The following VTCN1 variants were observed in gnomAD, a reference collection of about 807,000 sequenced individuals.
VTCN1 encodes V-set domain-containing T-cell activation inhibitor 1.
VTCN1 carries 26 observed loss-of-function variants against 26.5 expected under a neutral mutation model. The observed-to-expected ratio is 0.98, with a 90% confidence interval of 0.72 to 1.36. The LOEUF is 1.36. Ranked by LOEUF, VTCN1 falls within the 40% of genes most tolerant of loss-of-function variation. VTCN1 has a pLI of 0.00. For missense variants in VTCN1, 298 were observed against 337.7 expected, an observed-to-expected ratio of 0.88 and a Z score of 0.92; for synonymous variants, 116 against 130.7, an observed-to-expected ratio of 0.89 and a Z score of 0.77.
chr1:117,181,603 C>T (rs1034739243), intron 1 of VTCN1, among the ~76,000 whole-genome samples: 4 of 152,192 alleles, frequency 2.6e-5, no homozygotes, highest in Admixed American at 6.5e-5. Flanking sequence ...CAGCCCAGAA[C>T]GTGCCCTCCC....
chr1:117,172,542 T>C, intron 1 of VTCN1: 1 of 501,854 alleles, frequency 2.0e-6, no homozygotes, highest in Non-Finnish European at 4.0e-6. Context: ...GGGTTTTCAT[T>C]TACTTTGGAT....
At position 117,144,407 on chromosome 1, in the gene VTCN1, C is replaced by T. The variant is rs1651407756; in HGVS notation, c.*864G>A. ...GGGCGAAATCACCCCAGCTGAGTCCCACTGCTCTAGATGCTATTGAAAACT... is the reference window on the plus strand; with the variant it reads ...GGGCGAAATCACCCCAGCTGAGTCCTACTGCTCTAGATGCTATTGAAAACT... On this transcript the variant is annotated 3_prime_UTR_variant, in exon 6 of 6. Coordinates refer to ENST00000369458, the MANE Select transcript of VTCN1 (RefSeq NM_024626.4). 1 of 152,204 alleles carries T rather than the reference C, an allele frequency of 6.6e-6. No homozygotes were observed. Among genetic ancestry groups the T allele is most frequent in the Non-Finnish European group, 1.5e-5 (1 of 68,078 alleles). The allele number at this position is 152,204 out of a possible 1,614,324, so 9.4% of individuals were successfully genotyped here. A position where few individuals can be genotyped will look rare whatever the true frequency, so the allele number is the denominator to read the frequency against.
chr1:117,156,971 T>C (rs1024273050), intron 2 of VTCN1, 50 bp from the exon 3 acceptor site: 12 of 1,612,516 alleles, frequency 7.4e-6, no homozygotes, highest in African/African-American at 1.3e-5. Flanking sequence ...TTGGAACTTC[T>C]ACAACCAAAC....
Position 117,175,279 on chromosome 1 carries a change from G to A in VTCN1, c.33-5108C>T, listed in dbSNP as rs907290171. ...ACAGAAACAATAACTAGTACCTCGG[G>A]AGATAACTTAGACAGACAAGGCAGG... On this transcript the variant is annotated intron_variant, in intron 1 of 5. Coordinates refer to ENST00000369458, the MANE Select transcript of VTCN1 (RefSeq NM_024626.4). This position sits in a 1 kb window ranked among gnomAD's most constrained non-coding sequence, Gnocchi z 4.2. 6.6e-6 allele frequency among the ~76,000 whole-genome samples: 1 copy of A among 152,202 alleles called. No individual in the cohort carries two copies. The highest frequency in any genetic ancestry group is 2.4e-5 in the African/African-American group (1 of 41,452).
At chr1:117,193,313 T>C (rs917267212) in intron 1 of VTCN1, among the ~76,000 whole-genome samples, 1 of 152,124 alleles carries the variant, frequency 6.6e-6, no homozygotes, top group African/African-American at 2.4e-5. Context: ...ACAGAATGAT[T>C]GAACAGATTT....
chr1:117,174,219 T>G (rs1653078734), intron 1 of VTCN1, among the ~76,000 whole-genome samples: 1 of 152,222 alleles, frequency 6.6e-6, no homozygotes, highest in African/African-American at 2.4e-5. Flanking sequence ...GCATTGGGAT[T>G]CACAGTGTAC....
At chr1:117,148,294 T>C (rs1213445757) in intron 4 of VTCN1, among the ~76,000 whole-genome samples, 3 of 152,202 alleles carry the variant, frequency 2.0e-5, no homozygotes, top group Non-Finnish European at 2.9e-5. Context: ...ATTTCAGCTC[T>C]GTCACTTACC....
intron 4 of VTCN1, among the ~76,000 whole-genome samples, chr1:117,149,849 T>A (rs1651702621): frequency 6.6e-6 from 1 of 152,256 alleles, no homozygotes; most frequent in Admixed American, 6.5e-5. Flanking sequence ...CTACTTTGTC[T>A]ACAACAATAA....
chr1:117,172,543 T>A, intron 1 of VTCN1: 2 of 502,032 alleles, frequency 4.0e-6, no homozygotes, highest in Non-Finnish European at 7.9e-6. Context: ...GGTTTTCATT[T>A]ACTTTGGATA....
intron 1 of VTCN1, among the ~76,000 whole-genome samples, chr1:117,187,879 GA>G (rs1382094402): frequency 6.6e-6 from 1 of 151,522 alleles, no homozygotes; most frequent in Non-Finnish European, 1.5e-5. Flanking sequence ...AAAAAGAAAA[GA>G]AAAAAACTAA....
At chr1:117,198,142 C>T (rs1451851065) in intron 1 of VTCN1, among the ~76,000 whole-genome samples, 2 of 152,124 alleles carry the variant, frequency 1.3e-5, no homozygotes, top group Non-Finnish European at 2.9e-5. Context: ...TAGGGAAGCC[C>T]CACCCTACCT....
At chr1:117,165,261 C>T (rs979423062) in intron 2 of VTCN1, among the ~76,000 whole-genome samples, 7 of 152,192 alleles carry the variant, frequency 4.6e-5, no homozygotes, top group African/African-American at 1.7e-4. Context: ...TAACATCTAC[C>T]TCCTATTTGT....
At chr1:117,210,690 C>T (rs1557882693) in intron 1 of VTCN1, 134 bp downstream of exon 1, 2 of 930,552 alleles carry the variant, frequency 2.1e-6, no homozygotes, top group Non-Finnish European at 3.4e-6. Context: ...GGCCAGGCTC[C>T]CGCTGGCCCA....
chr1:117,149,406 C>T (rs187407322), intron 4 of VTCN1, among the ~76,000 whole-genome samples: 1 of 152,034 alleles, frequency 6.6e-6, no homozygotes, highest in East Asian at 1.9e-4. Flanking sequence ...TCACCAAGGA[C>T]TGTACATTAT....
intron 1 of VTCN1, among the ~76,000 whole-genome samples, chr1:117,201,385 C>A (rs1648779443): frequency 6.6e-6 from 1 of 152,144 alleles, no homozygotes; most frequent in East Asian, 1.9e-4. Context: ...GAGCTGCCGA[C>A]CAGAAAGGCA....
At chr1:117,153,958 G>C (rs536726224) in intron 3 of VTCN1, among the ~76,000 whole-genome samples, 14 of 152,310 alleles carry the variant, frequency 9.2e-5, no homozygotes, top group Admixed American at 7.2e-4. Flanking sequence ...CCTCGCAGGA[G>C]AGTTAACTGC....
At chr1:117,191,076 A>G (rs1027512495) in intron 1 of VTCN1, among the ~76,000 whole-genome samples, 6 of 152,226 alleles carry the variant, frequency 3.9e-5, no homozygotes, top group Non-Finnish European at 7.3e-5. Flanking sequence ...AACAAAAACC[A>G]TAAAGAAGAA....
chr1:117,158,934 A>G lies in VTCN1; in HGVS notation c.98-2013T>C, dbSNP rs538787107. 1.4e-4 allele frequency among the ~76,000 whole-genome samples: 22 copies of G among 152,268 alleles called. 1 individual carries two copies. In the South Asian group the frequency reaches 4.1e-3, roughly 29 times the overall value. On this transcript the variant is annotated intron_variant, in intron 2 of 5. Transcript: ENST00000369458. ...TCATCAGTCTCTTTGTTAAAACATA[A>G]CAAGAGTCACCTTTACTCCAGTTCT...
chr1:117,178,995 G>A (rs557977645), intron 1 of VTCN1, among the ~76,000 whole-genome samples: 7 of 152,204 alleles, frequency 4.6e-5, no homozygotes, highest in East Asian at 1.9e-4. Flanking sequence ...ACAAAACCAC[G>A]GGAATCTCAG....
Sources: gnomAD v4.1 joint callset for allele counts (sites outside exome capture counted in the v4.1 genomes callset) on GRCh38, gnomAD v4.1.1 for gene constraint, Gnocchi (gnomAD v3.1) non-coding constraint, MANE v1.5 for transcripts, NCBI Gene and HGNC (gene_info 2026-07-23, HGNC 2026-07-21) for gene names.